MYH11: variants seen among roughly 807,000 people sequenced by gnomAD.
MYH11 encodes the protein myosin heavy chain 11.
A neutral mutation model predicts 246.6 loss-of-function variants in MYH11; 80 were observed. The ratio of observed to expected loss-of-function variants is 0.32; its 90% confidence interval spans 0.27 to 0.39. The LOEUF is 0.39. MYH11 is among the 10% of genes least tolerant of loss of function. MYH11 has a pLI of 1.00. For missense variants in MYH11, 2,158 were observed against 2,546.8 expected (o/e 0.85, Z 3.29); for synonymous variants, 1,071 against 1,015.5 (o/e 1.05, Z -1.04).
At chr16:15,718,189 C>T in intron 37 of MYH11, 126 bp downstream of exon 37, 2 of 1,497,046 alleles carry the variant, frequency 1.3e-6, no homozygotes, top group South Asian at 1.1e-5. Flanking sequence ...TCAGGCCCCA[C>T]CACCCTCTTG....
rs915406527 is a variant in MYH11, at chr16:15,788,907, G to A, written c.531-2175C>T. On this transcript the variant is annotated intron_variant, in intron 4 of 40. Transcript: ENST00000300036. ...CGTTTATAATAGCAGCTACTCAGGA[G>A]GCTGAGTTGGGAGGATGCCTTGAGG... Among the ~76,000 whole-genome samples, 3 of 151,880 alleles carry A rather than the reference G, an allele frequency of 2.0e-5. No homozygotes were observed. In the East Asian group the frequency reaches 5.8e-4, roughly 29 times the overall value.
chr16:15,823,418 A>T lies in MYH11; in HGVS notation c.346-7T>A. On this transcript the variant is annotated splice_region_variant and splice_polypyrimidine_tract_variant and intron_variant, in intron 2 of 40. Transcript: ENST00000300036. ...AGAAGAGGCCAGAGTACGTCTGCAG[A>T]CAGAGAACCCAGCTTACTTCCAGAC... 6.2e-7 allele frequency: 1 copy of T among 1,614,158 alleles called. No homozygotes were observed. The highest frequency in any genetic ancestry group is 1.1e-5 in the South Asian group (1 of 91,086).
intron 5 of MYH11, chr16:15,786,273 C>T (rs986521639): frequency 2.3e-5 from 9 of 396,556 alleles, no homozygotes; most frequent in African/African-American, 1.9e-4. Flanking sequence ...TGTTGTGAAA[C>T]ATTCTACGAG....
At chr16:15,718,775 C>G (rs1447002953) in intron 36 of MYH11, 4 of 445,476 alleles carry the variant, frequency 9.0e-6, no homozygotes, top group South Asian at 2.3e-5. Flanking sequence ...GACGGAAAAC[C>G]TAACCACCAT....
chr16:15,740,425 T>G (rs1028416525), intron 22 of MYH11, among the ~76,000 whole-genome samples: 1 of 151,844 alleles, frequency 6.6e-6, no homozygotes, highest in African/African-American at 2.4e-5. Flanking sequence ...CTGGCCAACA[T>G]GGTGAAACCC....
At chr16:15,717,039 C>A (rs914548575) in intron 38 of MYH11, 101 bp downstream of exon 38, 8 of 1,302,154 alleles carry the variant, frequency 6.1e-6, no homozygotes, top group South Asian at 2.4e-5. Context: ...TTGCTTCTTA[C>A]AAGCCAGAAC....
Position 15,750,480 on chromosome 16 carries a change from T to C in MYH11, c.1865-149A>G. 3.8e-6 allele frequency: 3 copies of C among 782,406 alleles called. No individual in the cohort carries two copies. The highest frequency in any genetic ancestry group is 1.6e-5 in the South Asian group (1 of 61,048). 48.5% of individuals were successfully genotyped at this position (782,406 alleles called of 1,614,324 possible). On this transcript the variant is annotated intron_variant, in intron 15 of 40. Coordinates refer to ENST00000300036, the MANE Select transcript of MYH11 (RefSeq NM_002474.3). The surrounding 1 kb of genome is among the most constrained non-coding windows in gnomAD (Gnocchi z 4.3). ...TCCTTCGGCAGTCAGGGTTTCCAAG[T>C]ATTGTCTATTGGGGAAATCCTGAGA...
intron 9 of MYH11, among the ~76,000 whole-genome samples, chr16:15,764,661 G>A (rs2041942435): frequency 6.6e-6 from 1 of 152,178 alleles, no homozygotes; most frequent in Non-Finnish European, 1.5e-5. Flanking sequence ...GTTCTTAGAA[G>A]GTGCATGTGG....
In MYH11 at chr16:15,767,041, T is replaced by C. The variant is rs148220641; in HGVS notation, c.1034-3150A>G. Among the ~76,000 whole-genome samples, 638 of 151,996 alleles carry C rather than the reference T, an allele frequency of 4.2e-3. 2 individuals carry two copies. The highest frequency in any genetic ancestry group is 0.017 in the Middle Eastern group (5 of 294). On this transcript the variant is annotated intron_variant, in intron 9 of 40. Transcript: ENST00000300036. The stretch of plus-strand genomic sequence containing the variant: ...TCCTAGTTCCGGGTCCAGATACACA[T>C]GGGGAGGGAGGGAGATGGATGGATG...
intron 27 of MYH11, 59 bp from the exon 28 acceptor site, chr16:15,727,113 AG>A (rs2151225960): frequency 6.6e-7 from 1 of 1,523,392 alleles, no homozygotes; most frequent in African/African-American, 1.4e-5. Flanking sequence ...AGAACGTTTC[AG>A]GCCCTGCCCT....
intron 5 of MYH11, chr16:15,786,260 G>T (rs530585120): frequency 1.3e-4 from 52 of 388,586 alleles, no homozygotes; most frequent in African/African-American, 9.1e-4. Flanking sequence ...TCGAGGCCAG[G>T]GATGTTGTGA....
chr16:15,807,357 G>T (rs1291030800), intron 3 of MYH11, among the ~76,000 whole-genome samples: 1 of 152,112 alleles, frequency 6.6e-6, no homozygotes, highest in East Asian at 1.9e-4. Flanking sequence ...GATGGGCAAA[G>T]AAATGACCGT....
intron 14 of MYH11, among the ~76,000 whole-genome samples, chr16:15,755,392 AT>A (rs1376234381): frequency 1.3e-5 from 2 of 152,114 alleles, no homozygotes; most frequent in Non-Finnish European, 1.5e-5. Context: ...GACATGGGAG[AT>A]TTTTGTTGAA....
chr16:15,851,335 A>G (rs1036040916), intron 1 of MYH11, among the ~76,000 whole-genome samples: 4 of 152,124 alleles, frequency 2.6e-5, no homozygotes, highest in African/African-American at 7.2e-5. Context: ...CCTTGTATTC[A>G]TCAGGTATCA....
intron 14 of MYH11, among the ~76,000 whole-genome samples, chr16:15,753,902 TG>T (rs1200536813): frequency 6.6e-6 from 1 of 152,102 alleles, no homozygotes; most frequent in Non-Finnish European, 1.5e-5. Context: ...CCAATCATCC[TG>T]GTTTAGAAAT....
At chr16:15,775,321 T>C (rs1356310724) in intron 8 of MYH11, among the ~76,000 whole-genome samples, 1 of 152,248 alleles carries the variant, frequency 6.6e-6, no homozygotes, top group African/African-American at 2.4e-5. Context: ...TGTAACACAG[T>C]GATGCATCTG....
chr16:15,720,174 T>C lies in MYH11; in HGVS notation c.4930A>G (p.Ile1644Val), dbSNP rs2040390537. The C allele has an allele frequency of 6.2e-7, 1 of 1,614,020 alleles. No individual in the cohort carries two copies. The highest frequency in any genetic ancestry group is 1.7e-5 in the Admixed American group (1 of 59,978). ...DSAIKGREEA[I>V]KQLRKLQAQM... ...ACCTGCAGTTTGCGTAGCTGCTTGA[T>C]GGCTTCCTCCCTCCCCTTGATGGCA... The change falls in exon 34 of 41, where the codon ATC becomes GTC. Residue 1644 changes from isoleucine to valine, a missense_variant. Physicochemically the swap from Ile to Val is conservative, Grantham distance 29 (BLOSUM62 3). Around this residue, in one of 11 missense-constraint regions of MYH11, gnomAD observed 1,013 missense variants for 993.5 expected, o/e 1.02. Coordinates refer to ENST00000300036, the MANE Select transcript of MYH11 (RefSeq NM_002474.3).
intron 40 of MYH11, among the ~76,000 whole-genome samples, chr16:15,705,092 G>A (rs2039376500): frequency 6.6e-6 from 1 of 152,194 alleles, no homozygotes; most frequent in African/African-American, 2.4e-5. Flanking sequence ...CAGTCCTTGA[G>A]CCTCAGTATT....
At chr16:15,744,086 C>CA (rs2041350286) in intron 20 of MYH11, among the ~76,000 whole-genome samples, 1 of 150,618 alleles carries the variant, frequency 6.6e-6, no homozygotes, top group African/African-American at 2.5e-5. Context: ...GCCTGGGTAA[C>CA]AGAGTGAGAC....
Sources: gnomAD v4.1 joint callset for allele counts (sites outside exome capture counted in the v4.1 genomes callset) on GRCh38, gnomAD v4.1.1 for gene constraint, gnomAD v4.1.1 regional missense constraint, Gnocchi (gnomAD v3.1) non-coding constraint, MANE v1.5 for transcripts, NCBI Gene and HGNC (gene_info 2026-07-23, HGNC 2026-07-21) for gene names.